The following GRIK4 variants were observed in gnomAD, a reference collection of about 807,000 sequenced individuals.
GRIK4 encodes glutamate ionotropic receptor kainate type subunit 4.
Under a neutral mutation model 104.9 loss-of-function variants are expected in GRIK4, and 40 were observed. That is an observed-to-expected ratio of 0.38 (90% CI 0.30 to 0.50). The LOEUF (loss-of-function observed/expected upper bound fraction) is 0.50. GRIK4 is among the 20% of genes least tolerant of loss of function. GRIK4 has a pLI of 0.93. For synonymous variants in GRIK4, 485 were observed against 524.9 expected (o/e 0.92, Z 1.04); for missense variants, 1,047 against 1,308.1 (o/e 0.80, Z 3.08).
At chr11:120,720,574 T>C (rs1950914241) in intron 3 of GRIK4, among the ~76,000 whole-genome samples, 1 of 152,148 alleles carries the variant, frequency 6.6e-6, no homozygotes, top group African/African-American at 2.4e-5. Context: ...TGAAAGGAAC[T>C]AAGCTTTCAG....
chr11:120,553,287 G>A (rs1470711296), intron 1 of GRIK4, among the ~76,000 whole-genome samples: 3 of 152,186 alleles, frequency 2.0e-5, no homozygotes, highest in Non-Finnish European at 4.4e-5. Flanking sequence ...GAAGAGACAG[G>A]GGAACAGGAG....
intron 6 of GRIK4, among the ~76,000 whole-genome samples, chr11:120,828,794 G>A (rs1230555455): frequency 2.0e-5 from 3 of 152,198 alleles, no homozygotes; most frequent in African/African-American, 7.2e-5. Flanking sequence ...ATGGGATGGG[G>A]AATGATGCTG....
At chr11:120,539,971 A>G (rs1948016047) in intron 1 of GRIK4, among the ~76,000 whole-genome samples, 1 of 152,188 alleles carries the variant, frequency 6.6e-6, no homozygotes, top group Non-Finnish European at 1.5e-5. Flanking sequence ...TGTTTGTGAC[A>G]GGCAGCGAAT....
chr11:120,898,356 C>T (rs1942640285), intron 11 of GRIK4, among the ~76,000 whole-genome samples, 176 bp from the exon 12 acceptor site: 1 of 150,864 alleles, frequency 6.6e-6, no homozygotes, highest in Non-Finnish European at 1.5e-5. Flanking sequence ...CCCCCGTTTC[C>T]CTCAGCCCCC....
At chr11:120,619,286 A>G (rs186967601) in intron 1 of GRIK4, among the ~76,000 whole-genome samples, 1 of 152,280 alleles carries the variant, frequency 6.6e-6, no homozygotes, top group Non-Finnish European at 1.5e-5. Context: ...CCCTTTTGGA[A>G]TGGGAGTTTT....
At chr11:120,881,605 A>T (rs114874297) in intron 11 of GRIK4, among the ~76,000 whole-genome samples, 2,705 of 152,280 alleles carry the variant, frequency 0.018, 66 homozygotes, top group African/African-American at 0.061. Context: ...ACCCTTGCGA[A>T]CCAAGAACTC....
chr11:120,669,363 G>A (rs1268315152), intron 3 of GRIK4, among the ~76,000 whole-genome samples: 1 of 152,346 alleles, frequency 6.6e-6, no homozygotes, highest in South Asian at 2.1e-4. Context: ...GACTGATGGA[G>A]CTGAATGATT....
At chr11:120,629,117 G>A (rs532485426) in intron 1 of GRIK4, among the ~76,000 whole-genome samples, 2 of 152,300 alleles carry the variant, frequency 1.3e-5, no homozygotes, top group Non-Finnish European at 2.9e-5. Context: ...GTGTTGTGGA[G>A]GAGGTGGCCC....
At chr11:120,669,318 G>A (rs544075449) in intron 3 of GRIK4, among the ~76,000 whole-genome samples, 1 of 152,280 alleles carries the variant, frequency 6.6e-6, no homozygotes, top group East Asian at 1.9e-4. Context: ...TTAGCCTGGT[G>A]GACTCTTCAC....
At chr11:120,810,089 C>T (rs781310110) in intron 4 of GRIK4, among the ~76,000 whole-genome samples, 3 of 152,078 alleles carry the variant, frequency 2.0e-5, no homozygotes, top group Non-Finnish European at 4.4e-5. Flanking sequence ...AACAAAAGAA[C>T]GGTTGTGTGG....
chr11:120,698,646 A>G (rs61901361), intron 3 of GRIK4, among the ~76,000 whole-genome samples: 16,401 of 152,180 alleles, frequency 0.11, 949 homozygotes, highest in South Asian at 0.15. Flanking sequence ...TCATGCCATC[A>G]CGGCCTGCTG....
chr11:120,795,484 G>A (rs1433319635), intron 3 of GRIK4, among the ~76,000 whole-genome samples: 1 of 152,218 alleles, frequency 6.6e-6, no homozygotes, highest in Non-Finnish European at 1.5e-5. Flanking sequence ...TCTACTACTG[G>A]CTGTAGGGGA....
intron 1 of GRIK4, among the ~76,000 whole-genome samples, chr11:120,643,152 C>T (rs1949491520): frequency 1.3e-5 from 2 of 151,868 alleles, no homozygotes; most frequent in African/African-American, 2.4e-5. Flanking sequence ...CTTTAGCAAG[C>T]GTATAGAGGG....
intron 5 of GRIK4, among the ~76,000 whole-genome samples, chr11:120,818,222 G>A (rs1355023223): frequency 6.6e-6 from 1 of 152,202 alleles, no homozygotes; most frequent in Non-Finnish European, 1.5e-5. Flanking sequence ...AATGTGGTAG[G>A]CTAGAGGGTT....
At chr11:120,749,329 C>T (rs1410915909) in intron 3 of GRIK4, among the ~76,000 whole-genome samples, 2 of 152,192 alleles carry the variant, frequency 1.3e-5, no homozygotes, top group Non-Finnish European at 2.9e-5. Flanking sequence ...GAAGCCCCCT[C>T]CTCTCTTCTG....
chr11:120,721,084 T>G (rs1347447833), intron 3 of GRIK4, among the ~76,000 whole-genome samples: 1 of 152,112 alleles, frequency 6.6e-6, no homozygotes, highest in South Asian at 2.1e-4. Flanking sequence ...GACATGCTTT[T>G]CTGGAGGTAA....
intron 1 of GRIK4, among the ~76,000 whole-genome samples, chr11:120,519,870 TTTTTTTTTTG>T (rs1196413325): frequency 8.8e-6 from 1 of 114,202 alleles, no homozygotes; most frequent in African/African-American, 3.8e-5. Context: ...TACTGGTTTT[TTTTTTTTTTG>T]TTTTTTTTTT....
intron 3 of GRIK4, among the ~76,000 whole-genome samples, chr11:120,706,995 T>C (rs1304943590): frequency 6.6e-6 from 1 of 152,190 alleles, no homozygotes; most frequent in Non-Finnish European, 1.5e-5. Flanking sequence ...ACCAATCCTC[T>C]CTGACTTGGG....
chr11:120,918,128 G>A (rs1943150068), intron 13 of GRIK4, among the ~76,000 whole-genome samples: 1 of 152,198 alleles, frequency 6.6e-6, no homozygotes, highest in African/African-American at 2.4e-5. Context: ...TCTGAGACCA[G>A]GGAGGCTTTC....
Sources: gnomAD v4.1 joint callset for allele counts (sites outside exome capture counted in the v4.1 genomes callset) on GRCh38, gnomAD v4.1.1 for gene constraint, MANE v1.5 for transcripts, NCBI Gene and HGNC (gene_info 2026-07-23, HGNC 2026-07-21) for gene names.